The following NME7 variants were observed in gnomAD, a reference collection of about 807,000 sequenced individuals.
The protein encoded by NME7 is NME/NM23 family member 7.
A neutral mutation model predicts 49.1 loss-of-function variants in NME7; 41 were observed. That is an observed-to-expected ratio of 0.83 (90% confidence interval 0.65 to 1.08). The LOEUF (loss-of-function observed/expected upper bound fraction) is 1.08. Ranked by LOEUF, NME7 falls within the 50% of genes least tolerant of loss-of-function variation. The probability of loss-of-function intolerance (pLI) is 0.00; values close to 1 mark genes in which losing one functional copy is unlikely to be tolerated. For synonymous variants in NME7, 139 were observed against 150.6 expected, an observed-to-expected ratio of 0.92 and a Z score of 0.56; for missense variants, 423 against 463.4, an observed-to-expected ratio of 0.91 and a Z score of 0.80.
At chr1:169,231,643 A>G (rs1032274908) in intron 9 of NME7, among the ~76,000 whole-genome samples, 2 of 152,182 alleles carry the variant, frequency 1.3e-5, no homozygotes, top group Non-Finnish European at 2.9e-5. Context: ...AAGTAGACCA[A>G]ACAACTCAGA....
intron 1 of NME7, among the ~76,000 whole-genome samples, chr1:169,354,065 G>T (rs1485689549): frequency 6.6e-6 from 1 of 152,024 alleles, no homozygotes; most frequent in Non-Finnish European, 1.5e-5. Context: ...ATACCCAAAA[G>T]AAATCAGTAC....
intron 11 of NME7, among the ~76,000 whole-genome samples, chr1:169,154,005 A>G (rs1658991471): frequency 6.6e-6 from 1 of 150,600 alleles, no homozygotes; most frequent in African/African-American, 2.4e-5. Flanking sequence ...GTGCCCAGTC[A>G]AATAGGGATA....
intron 10 of NME7, among the ~76,000 whole-genome samples, chr1:169,219,166 C>G (rs1308953671): frequency 2.0e-5 from 3 of 152,178 alleles, no homozygotes; most frequent in Non-Finnish European, 4.4e-5. Context: ...AGCCCCACCC[C>G]ACTCAACACA....
chr1:169,169,601 TA>T, intron 10 of NME7, 47 bp from the exon 11 acceptor site: 2 of 1,535,422 alleles, frequency 1.3e-6, no homozygotes, highest in Non-Finnish European at 1.8e-6. Flanking sequence ...TCATATGGTA[TA>T]AATAAGAAAA....
intron 10 of NME7, among the ~76,000 whole-genome samples, chr1:169,198,758 G>A (rs1660461599): frequency 6.6e-6 from 1 of 152,028 alleles, no homozygotes; most frequent in African/African-American, 2.4e-5. Flanking sequence ...GCTTGTTTTT[G>A]AAGTGATGAA....
At chr1:169,324,328 T>G in intron 2 of NME7, 65 bp downstream of exon 2, 1 of 966,756 alleles carries the variant, frequency 1.0e-6, no homozygotes, top group African/African-American at 1.6e-5. Context: ...AGCAATTATA[T>G]AAAAGGCAAT....
chr1:169,291,845 T>C (rs1650520851), intron 6 of NME7, among the ~76,000 whole-genome samples: 1 of 152,078 alleles, frequency 6.6e-6, no homozygotes, highest in African/African-American at 2.4e-5. Context: ...TCATAGTTTT[T>C]TTTAGACACA....
rs147815877 is a variant in NME7, at chr1:169,136,666, C to T, written c.1099-3849G>A. ...CATGTAACATATTCAACATATCCAA[C>T]GGATAATGATACTTGACTACCTATA... On this transcript the variant is annotated intron_variant, in intron 11 of 11. Transcript: ENST00000367811. Among the ~76,000 whole-genome samples, 325 of 152,332 alleles carry T rather than the reference C, an allele frequency of 2.1e-3. 1 individual carries two copies. The highest frequency in any genetic ancestry group is 4.3e-4 in the Non-Finnish European group (29 of 68,032).
intron 5 of NME7, among the ~76,000 whole-genome samples, chr1:169,300,290 G>A (rs1650888350): frequency 6.6e-6 from 1 of 152,000 alleles, no homozygotes; most frequent in Admixed American, 6.6e-5. Context: ...TTCTAGAAAA[G>A]TGTATATAGC....
chr1:169,232,188 C>T (rs1312951637), intron 9 of NME7, among the ~76,000 whole-genome samples: 2 of 152,014 alleles, frequency 1.3e-5, no homozygotes, highest in South Asian at 4.2e-4. Flanking sequence ...TTTAAAAATA[C>T]ACTGAATGGG....
intron 11 of NME7, among the ~76,000 whole-genome samples, chr1:169,144,651 T>C (rs149579763): frequency 6.6e-6 from 1 of 152,270 alleles, no homozygotes; most frequent in East Asian, 1.9e-4. Context: ...GTGTGTCTTA[T>C]TTAGCCGTAG....
At chr1:169,327,594 C>T (rs967838229) in intron 1 of NME7, among the ~76,000 whole-genome samples, 3 of 152,114 alleles carry the variant, frequency 2.0e-5, no homozygotes, top group Non-Finnish European at 4.4e-5. Flanking sequence ...ACCAGTCTTA[C>T]TCGATGGTAA....
intron 9 of NME7, 121 bp downstream of exon 9, chr1:169,235,010 G>T: frequency 2.2e-6 from 1 of 455,480 alleles, no homozygotes. Flanking sequence ...TAGTATGAAT[G>T]ACTCTGTATT....
At chr1:169,296,328 C>A (rs1235765767) in intron 6 of NME7, among the ~76,000 whole-genome samples, 1 of 152,154 alleles carries the variant, frequency 6.6e-6, no homozygotes, top group African/African-American at 2.4e-5. Flanking sequence ...CCTCTTCTTA[C>A]TTGCCTTATT....
rs374749792 is a variant in NME7 at position 169,269,688 on chromosome 1, A to C, written c.754+17615T>G. On this transcript the variant is annotated intron_variant, in intron 7 of 11. Coordinates refer to ENST00000367811, the MANE Select transcript of NME7 (RefSeq NM_013330.5). ...TAACCCAATTTCTAAAAGTGAGGAC[A>C]TGATAAATAAGACCTAGCGCCTACC... is the stretch of plus-strand genomic sequence containing the variant. Among the ~76,000 whole-genome samples, 29 of 133,584 alleles carry C rather than the reference A, an allele frequency of 2.2e-4. 2 individuals carry two copies. The East Asian group carries it at 3.8e-3, about 17-fold the overall frequency. The allele number at this position is 133,584 out of a possible 152,430, so 87.6% of individuals were successfully genotyped here.
At chr1:169,305,274 T>C (rs1455515790) in intron 4 of NME7, among the ~76,000 whole-genome samples, 1 of 152,230 alleles carries the variant, frequency 6.6e-6, no homozygotes, top group Non-Finnish European at 1.5e-5. Flanking sequence ...TATGTTTTGT[T>C]GTGTTTTTAT....
At chr1:169,173,204 T>G (rs754762462) in intron 10 of NME7, among the ~76,000 whole-genome samples, 1 of 152,210 alleles carries the variant, frequency 6.6e-6, no homozygotes, top group South Asian at 2.1e-4. Flanking sequence ...TAAAATAGAA[T>G]CTGTCTTAAG....
chr1:169,316,955 G>A (rs1299160626), intron 3 of NME7, among the ~76,000 whole-genome samples: 2 of 150,378 alleles, frequency 1.3e-5, no homozygotes, highest in Non-Finnish European at 3.0e-5. Flanking sequence ...CTGAAGAGAG[G>A]AAGAAAAATT....
intron 7 of NME7, among the ~76,000 whole-genome samples, chr1:169,279,634 A>G (rs1265974346): frequency 6.6e-6 from 1 of 152,130 alleles, no homozygotes; most frequent in Middle Eastern, 3.2e-3. Flanking sequence ...GACCCCTTGC[A>G]CTTCCCGAGT....
Sources: allele counts gnomAD v4.1 joint callset (sites outside exome capture counted in the v4.1 genomes callset), GRCh38; gene constraint gnomAD v4.1.1; transcripts MANE v1.5; gene names NCBI Gene and HGNC (gene_info 2026-07-23, HGNC 2026-07-21).